RNFT2: variants seen among roughly 807,000 people sequenced by gnomAD.
RNFT2 encodes the protein ring finger protein, transmembrane 2, also known as E3 ubiquitin-protein ligase RNFT2.
RNFT2 carries 36 observed loss-of-function variants against 53.0 expected under a neutral mutation model. That is an observed-to-expected ratio of 0.68 (90% CI 0.52 to 0.90). The LOEUF (loss-of-function observed/expected upper bound fraction) is 0.90. Among genes scored for constraint, RNFT2 ranks in the 40% least tolerant of loss-of-function variants. The probability of loss-of-function intolerance (pLI) is 0.00; values close to 1 mark genes in which losing one functional copy is unlikely to be tolerated. For missense variants in RNFT2, 514 were observed against 585.6 expected (o/e 0.88, Z 1.26); for synonymous variants, 260 against 253.2 (o/e 1.03, Z -0.26).
rs143688702 is a variant in RNFT2 at position 116,823,649 on chromosome 12, A to C, written c.883-10143A>C. Among the ~76,000 whole-genome samples the C allele has an allele frequency of 4.9e-3, 753 of 152,296 alleles. 10 individuals are homozygous for C. Among genetic ancestry groups the C allele is most frequent in the Non-Finnish European group, 4.2e-3 (287 of 68,024 alleles). ...CAGTGAGCCGAAATTGCACCACTGC[A>C]CTCCAGCCTGGGTAAACAGCAAGAC... On this transcript the variant is annotated intron_variant, in intron 7 of 10. Transcript: ENST00000257575.
rs184821322 is a variant in RNFT2, at chr12:116,815,447, G to C, written c.883-18345G>C. Reference sequence around the variant, plus strand: ...GTGGTTCCTTTGGGAGGCTCCGGGGGACAATCCATTTTCTTGTCTTTTCTA... The same window carrying C: ...GTGGTTCCTTTGGGAGGCTCCGGGGCACAATCCATTTTCTTGTCTTTTCTA... On this transcript the variant is annotated intron_variant, in intron 7 of 10. Coordinates refer to ENST00000257575, the MANE Select transcript of RNFT2 (RefSeq NM_001382266.1). Among the ~76,000 whole-genome samples the C allele has an allele frequency of 5.3e-4, 81 of 152,296 alleles. 2 individuals carry two copies. The highest frequency in any genetic ancestry group is 4.3e-3 in the Admixed American group (66 of 15,302).
intron 7 of RNFT2, among the ~76,000 whole-genome samples, chr12:116,832,312 A>G (rs1876714575): frequency 6.6e-6 from 1 of 151,966 alleles, no homozygotes; most frequent in Non-Finnish European, 1.5e-5. Flanking sequence ...CCAGAATTAT[A>G]CAACAAATAT....
At chr12:116,836,917 A>G (rs1452529314) in intron 10 of RNFT2, among the ~76,000 whole-genome samples, 2 of 152,044 alleles carry the variant, frequency 1.3e-5, no homozygotes, top group African/African-American at 4.8e-5. Flanking sequence ...GCAACAGAGC[A>G]AGACTACATC....
At chr12:116,828,369 G>A (rs1876454334) in intron 7 of RNFT2, among the ~76,000 whole-genome samples, 1 of 152,182 alleles carries the variant, frequency 6.6e-6, no homozygotes, top group African/African-American at 2.4e-5. Flanking sequence ...GATGGTGCTG[G>A]TTCATGGCTC....
chr12:116,826,893 A>G (rs540516022), intron 7 of RNFT2, among the ~76,000 whole-genome samples: 1 of 152,298 alleles, frequency 6.6e-6, no homozygotes, highest in African/African-American at 2.4e-5. Flanking sequence ...TGGATAGTAA[A>G]AATAATTTTT....
At chr12:116,840,922 CTG>C (rs34358849) in intron 10 of RNFT2, among the ~76,000 whole-genome samples, 3 of 149,036 alleles carry the variant, frequency 2.0e-5, no homozygotes, top group South Asian at 2.1e-4. Context: ...GGGTATGTGT[CTG>C]TGTGTGTGTG....
At position 116,779,210 on chromosome 12, in the gene RNFT2, G is replaced by T. The variant is rs201722595; in HGVS notation, c.744G>T (p.Lys248Asn). 5.0e-4 allele frequency: 800 copies of T among 1,613,856 alleles called. No homozygotes were observed. Among genetic ancestry groups the T allele is most frequent in the Non-Finnish European group, 6.2e-4 (727 of 1,179,892 alleles). ...CTCCCCCCAGCCTCATATTCCTGAA[G>T]CCCAACCTGGAGATGCTGGACTTCT... The part of the protein sequence containing the change: ...QQLYNSLIFL[K>N]PNLEMLDFFD... Residue 248 changes from lysine to asparagine, a missense_variant, in exon 7 of 11, where the codon AAG becomes AAT. By Grantham distance (94) the Lys-to-Asn change is moderately conservative. Transcript: ENST00000257575.
chr12:116,844,063 G>A (rs1877488577), intron 10 of RNFT2, among the ~76,000 whole-genome samples: 1 of 152,186 alleles, frequency 6.6e-6, no homozygotes, highest in African/African-American at 2.4e-5. Flanking sequence ...GGGGGTCTGT[G>A]AGGTCAAAAC....
At chr12:116,797,474 AC>A (rs2137144507) in intron 7 of RNFT2, among the ~76,000 whole-genome samples, 1 of 151,996 alleles carries the variant, frequency 6.6e-6, no homozygotes, top group Non-Finnish European at 1.5e-5. Context: ...CAGGAGACTC[AC>A]TTGAACCCGG....
chr12:116,773,343 T>C (rs1439652910), intron 6 of RNFT2, among the ~76,000 whole-genome samples: 1 of 152,186 alleles, frequency 6.6e-6, no homozygotes, highest in East Asian at 1.9e-4. Context: ...CCCTTTGGGT[T>C]ACTAACTTAA....
At position 116,851,967 on chromosome 12, in the gene RNFT2, CTA is replaced by C. The variant is rs1315144633; in HGVS notation, c.*2521_*2522del. On this transcript the variant is annotated 3_prime_UTR_variant, in exon 11 of 11. Coordinates refer to ENST00000257575, the MANE Select transcript of RNFT2 (RefSeq NM_001382266.1). ...TAGCCTTCAGAGCAAACAGGACAAC[CTA>C]TGTTATGGATGTTTCCACCAACCAG... The C allele has an allele frequency of 6.6e-7, 1 of 1,510,704 alleles. No homozygotes were observed. The highest frequency in any genetic ancestry group is 2.2e-5 in the Admixed American group (1 of 46,350). 93.6% of individuals were successfully genotyped at this position (1,510,704 alleles called of 1,614,324 possible).
At chr12:116,792,238 CG>C (rs1288512500) in intron 7 of RNFT2, among the ~76,000 whole-genome samples, 1 of 151,924 alleles carries the variant, frequency 6.6e-6, no homozygotes, top group African/African-American at 2.4e-5. Context: ...TTAGTAGAGA[CG>C]GGGTTTCACC....
intron 7 of RNFT2, among the ~76,000 whole-genome samples, chr12:116,831,522 T>C (rs1243437963): frequency 3.3e-5 from 5 of 152,012 alleles, no homozygotes; most frequent in Non-Finnish European, 2.9e-5. Context: ...TTTTTGTACA[T>C]TGTGTTTTTT....
intron 6 of RNFT2, among the ~76,000 whole-genome samples, chr12:116,770,271 A>C (rs1426693716): frequency 6.6e-6 from 1 of 152,096 alleles, no homozygotes; most frequent in Non-Finnish European, 1.5e-5. Context: ...TACAGATACC[A>C]TTGTGTTATA....
intron 7 of RNFT2, among the ~76,000 whole-genome samples, chr12:116,815,893 T>A (rs1300774267): frequency 1.3e-5 from 2 of 152,120 alleles, no homozygotes; most frequent in Non-Finnish European, 2.9e-5. Context: ...GGACCCTGTT[T>A]GTCAAGTTTG....
Position 116,750,822 on chromosome 12 carries a change from TA to T in RNFT2, c.550+516del, listed in dbSNP as rs1566069317. On this transcript the variant is annotated intron_variant, in intron 4 of 10. Transcript: ENST00000257575. ...GTATATATATATAATATATATATTATATATATAATATATATATTATATATAT... is the reference window on the plus strand; with the variant it reads ...GTATATATATATAATATATATATTATTATATAATATATATATTATATATAT... 7.5e-4 allele frequency among the ~76,000 whole-genome samples: 14 copies of T among 18,562 alleles called. 1 individual carries two copies. The highest frequency in any genetic ancestry group is 1.3e-3 in the African/African-American group (10 of 7,688). The allele number at this position is 18,562 out of a possible 152,430, so 12.2% of individuals were successfully genotyped here. A position where few individuals can be genotyped will look rare whatever the true frequency, so the allele number is the denominator to read the frequency against.
rs4767452 is a variant in RNFT2, at chr12:116,779,336, T to A, written c.870T>A (p.Ala290=). The A allele has an allele frequency of 1.9e-6, 3 of 1,613,758 alleles. No individual in the cohort carries two copies. The highest frequency in any genetic ancestry group is 8.5e-7 in the Non-Finnish European group (1 of 1,179,852). Residue 290 remains alanine, a synonymous_variant, in exon 7 of 11, where the codon GCT becomes GCA. Transcript: ENST00000257575. The part of the protein sequence containing the change: ...LIVALPKIIL[A]VKSKGKFYLV... ...TGGCCCTGCCCAAGATCATCCTGGC[T>A]GTCAAGTCCAAGGTAGGCACTGGCT...
intron 6 of RNFT2, among the ~76,000 whole-genome samples, chr12:116,769,191 T>G (rs1364765182): frequency 1.3e-5 from 2 of 152,096 alleles, no homozygotes; most frequent in Non-Finnish European, 2.9e-5. Flanking sequence ...AACCCCTGTC[T>G]CTACTAAAAA....
chr12:116,784,615 T>C (rs1873851434), intron 7 of RNFT2, among the ~76,000 whole-genome samples: 1 of 152,172 alleles, frequency 6.6e-6, no homozygotes, highest in African/African-American at 2.4e-5. Flanking sequence ...CTTCTTCTCA[T>C]TGTTCTAGAT....
Sources: allele counts gnomAD v4.1 joint callset (sites outside exome capture counted in the v4.1 genomes callset), GRCh38; gene constraint gnomAD v4.1.1; transcripts MANE v1.5; gene names NCBI Gene and HGNC (gene_info 2026-07-23, HGNC 2026-07-21).